EPHA6: variants seen among roughly 807,000 people sequenced by gnomAD.
EPHA6 encodes the protein ephrin type-A receptor 6.
EPHA6 carries 50 observed loss-of-function variants against 112.0 expected under a neutral mutation model. The observed-to-expected ratio is 0.45, with a 90% CI of 0.36 to 0.56. EPHA6 has a LOEUF of 0.56. EPHA6 is among the 20% of genes least tolerant of loss of function. The pLI is 0.00. For missense variants in EPHA6, 1,280 were observed against 1,417.4 expected (o/e 0.90, Z 1.56); for synonymous variants, 529 against 490.7 (o/e 1.08, Z -1.03).
At chr3:96,994,937 A>T (rs72916500) in intron 3 of EPHA6, among the ~76,000 whole-genome samples, 2,407 of 151,944 alleles carry the variant, frequency 0.016, 63 homozygotes, top group African/African-American at 0.049. Context: ...AAAATTGTGA[A>T]ACACTAGGCA....
chr3:97,036,206 G>T (rs1458610988), intron 3 of EPHA6, among the ~76,000 whole-genome samples: 1 of 151,842 alleles, frequency 6.6e-6, no homozygotes, highest in African/African-American at 2.4e-5. Flanking sequence ...TACCATAAAG[G>T]GTGATTTGAA....
At chr3:97,498,274 A>C (rs1036992025) in intron 10 of EPHA6, among the ~76,000 whole-genome samples, 4 of 151,618 alleles carry the variant, frequency 2.6e-5, no homozygotes, top group African/African-American at 9.7e-5. Context: ...AATCCAAGAG[A>C]CACAATTGTC....
intron 3 of EPHA6, among the ~76,000 whole-genome samples, chr3:97,184,613 C>A (rs1218738087): frequency 1.3e-5 from 2 of 152,098 alleles, no homozygotes; most frequent in Non-Finnish European, 2.9e-5. Flanking sequence ...TAGGAAGAAT[C>A]AATATCGTGA....
intron 1 of EPHA6, among the ~76,000 whole-genome samples, chr3:96,823,815 A>G (rs1020679430): frequency 6.6e-6 from 1 of 151,850 alleles, no homozygotes; most frequent in African/African-American, 2.4e-5. Flanking sequence ...CATGTGTTCA[A>G]TTTAATGAGG....
chr3:96,936,297 A>C (rs2040578169), intron 2 of EPHA6, among the ~76,000 whole-genome samples: 1 of 152,120 alleles, frequency 6.6e-6, no homozygotes, highest in Admixed American at 6.6e-5. Context: ...TCAATAAAAA[A>C]CATTTGGCTT....
chr3:96,876,432 C>G (rs925377331), intron 2 of EPHA6, among the ~76,000 whole-genome samples: 1 of 151,252 alleles, frequency 6.6e-6, no homozygotes, highest in African/African-American at 2.4e-5. Context: ...TAGTTGCATC[C>G]TAGATTGTTT....
At chr3:97,677,365 G>A (rs956685470) in intron 14 of EPHA6, among the ~76,000 whole-genome samples, 1 of 152,044 alleles carries the variant, frequency 6.6e-6, no homozygotes, top group Non-Finnish European at 1.5e-5. Context: ...AGGATCAATG[G>A]ATTCCTGGAT....
Position 97,327,967 on chromosome 3 carries a change from ATATG to A in EPHA6, c.1607-77179_1607-77176del, listed in dbSNP as rs1559887772. 3.5e-4 allele frequency among the ~76,000 whole-genome samples: 49 copies of A among 139,132 alleles called. 2 individuals are homozygous for A. The highest frequency in any genetic ancestry group is 1.2e-3 in the African/African-American group (41 of 33,344). 91.3% of individuals were successfully genotyped at this position (139,132 alleles called of 152,430 possible). A position where few individuals can be genotyped will look rare whatever the true frequency, so the allele number is the denominator to read the frequency against. ...TATGTATATGTATCTGTGTGTATAT[ATATG>A]TATATGTGCATATATATGTATATGT... On this transcript the variant is annotated intron_variant, in intron 5 of 17. Transcript: ENST00000389672.
At chr3:97,330,937 A>C (rs1451000644) in intron 5 of EPHA6, among the ~76,000 whole-genome samples, 1 of 152,174 alleles carries the variant, frequency 6.6e-6, no homozygotes, top group African/African-American at 2.4e-5. Flanking sequence ...AATCAACAGA[A>C]TATACATTCT....
chr3:97,209,595 T>C (rs1474394393), intron 3 of EPHA6, among the ~76,000 whole-genome samples: 1 of 152,208 alleles, frequency 6.6e-6, no homozygotes, highest in East Asian at 1.9e-4. Flanking sequence ...TAACTTTCTA[T>C]AAAAATGTAT....
Position 97,221,525 on chromosome 3 carries a change from A to G in EPHA6, c.1115-4739A>G, listed in dbSNP as rs181583359. On this transcript the variant is annotated intron_variant, in intron 3 of 17. Coordinates refer to ENST00000389672, the MANE Select transcript of EPHA6 (RefSeq NM_001080448.3). The stretch of plus-strand genomic sequence containing the variant: ...AGTTTATACATCCTATAATATAAAC[A>G]GAAAAATAAGGAAGTAGTAGAGAAG... Among the ~76,000 whole-genome samples the G allele has an allele frequency of 4.7e-4, 72 of 152,258 alleles. No individual in the cohort carries two copies. The Middle Eastern group carries it at 0.01, about 22-fold the overall frequency.
rs371692827 is a variant in EPHA6, at chr3:97,012,091, G to A, written c.1114+24098G>A. ...GCACCTAGGTTGATTCAATGTGTTT[G>A]ATATTGTAAATAATGCTGTGATGAA... On this transcript the variant is annotated intron_variant, in intron 3 of 17. Transcript: ENST00000389672. Among the ~76,000 whole-genome samples, 17 of 152,164 alleles carry A rather than the reference G, an allele frequency of 1.1e-4. No individual in the cohort carries two copies. The East Asian group carries it at 1.4e-3, about 12-fold the overall frequency.
intron 11 of EPHA6, among the ~76,000 whole-genome samples, chr3:97,549,429 C>G (rs568262193): frequency 1.3e-4 from 20 of 152,166 alleles, no homozygotes; most frequent in Non-Finnish European, 2.8e-4. Flanking sequence ...AGGCATGTCC[C>G]ATTCCACCAT....
At chr3:97,341,277 G>A (rs932655728) in intron 5 of EPHA6, among the ~76,000 whole-genome samples, 4 of 151,792 alleles carry the variant, frequency 2.6e-5, no homozygotes, top group Admixed American at 2.6e-4. Flanking sequence ...GAAAGAAGGG[G>A]CTAAAAAAAA....
Position 97,051,623 on chromosome 3 carries a change from C to A in EPHA6, c.1114+63630C>A, listed in dbSNP as rs546183712. ...AAATTAGGAATGTGTATTTTTAAAA[C>A]TCATTTGATGTTAGATATGTACCCC... On this transcript the variant is annotated intron_variant, in intron 3 of 17. Transcript: ENST00000389672. Among the ~76,000 whole-genome samples, 8 of 152,144 alleles carry A rather than the reference C, an allele frequency of 5.3e-5. No individual in the cohort carries two copies. The South Asian group carries it at 1.2e-3, about 24-fold the overall frequency.
intron 11 of EPHA6, among the ~76,000 whole-genome samples, chr3:97,541,184 T>C: frequency 6.6e-6 from 1 of 152,204 alleles, no homozygotes; most frequent in East Asian, 1.9e-4. Flanking sequence ...TTTAATCCAA[T>C]GATGACATTT....
intron 3 of EPHA6, among the ~76,000 whole-genome samples, chr3:97,194,663 G>A (rs1294990217): frequency 6.6e-6 from 1 of 150,728 alleles, no homozygotes; most frequent in Non-Finnish European, 1.5e-5. Flanking sequence ...TGAAAGTGGT[G>A]TGTTGAAGTT....
chr3:96,937,415 G>C (rs1192968113), intron 2 of EPHA6, among the ~76,000 whole-genome samples: 1 of 151,836 alleles, frequency 6.6e-6, no homozygotes, highest in Admixed American at 6.6e-5. Flanking sequence ...CTTTTGAGAA[G>C]TGTCTGTTCA....
At chr3:97,572,517 A>T (rs554228419) in intron 11 of EPHA6, among the ~76,000 whole-genome samples, 2 of 151,950 alleles carry the variant, frequency 1.3e-5, no homozygotes, top group African/African-American at 4.8e-5. Flanking sequence ...ATATTTTAAC[A>T]TGTTTATTGG....
Sources: gnomAD v4.1 joint callset for allele counts (sites outside exome capture counted in the v4.1 genomes callset) on GRCh38, gnomAD v4.1.1 for gene constraint, MANE v1.5 for transcripts, NCBI Gene and HGNC (gene_info 2026-07-23, HGNC 2026-07-21) for gene names.